The following AP3D1 variants were observed in gnomAD, a reference collection of about 807,000 sequenced individuals.
AP3D1 encodes adaptor related protein complex 3 subunit delta 1.
Under a neutral mutation model 147.6 loss-of-function variants are expected in AP3D1, and 51 were observed. The observed-to-expected ratio is 0.35, with a 90% CI of 0.28 to 0.44. The LOEUF is 0.44. AP3D1 is among the 20% of genes least tolerant of loss of function. The pLI, the probability that AP3D1 is intolerant of heterozygous loss-of-function variation, is 1.00. For synonymous variants in AP3D1, 760 were observed against 663.0 expected (o/e 1.15, Z -2.25); for missense variants, 1,421 against 1,624.2 (o/e 0.87, Z 2.15).
chr19:2,112,876 C>T lies in AP3D1; in HGVS notation c.2771G>A (p.Gly924Glu). 2 of 1,612,144 alleles carry T rather than the reference C, an allele frequency of 1.2e-6. No individual in the cohort carries two copies. Among genetic ancestry groups the T allele is most frequent in the Non-Finnish European group, 8.5e-7 (1 of 1,179,104 alleles). Reference protein sequence around the residue: ...EAQGEEDDAEGQDQDKKSPKP... With the variant: ...EAQGEEDDAEEQDQDKKSPKP... ...CAGCCTCACCTTGTCCTGGTCTTGC[C>T]CCTCGGCATCGTCCTCCTCGCCCTG... Residue 924 changes from glycine (G) to glutamate (E), a missense_variant, in exon 24 of 32, where the codon GGG becomes GAG. Gly to Glu is a moderately conservative substitution (Grantham distance 98, BLOSUM62 -2). This residue lies in a region of AP3D1 where 791 missense variants were observed against 761.4 expected (regional missense o/e 1.04). Coordinates refer to ENST00000643116, the MANE Select transcript of AP3D1 (RefSeq NM_001261826.3).
chr19:2,134,291 T>C lies in AP3D1; in HGVS notation c.355-1713A>G, dbSNP rs532388974. Among the ~76,000 whole-genome samples, 264 of 151,800 alleles carry C rather than the reference T, an allele frequency of 1.7e-3. 2 individuals carry two copies. Among genetic ancestry groups the C allele is most frequent in the African/African-American group, 6.3e-3 (260 of 41,442 alleles). The stretch of plus-strand genomic sequence containing the variant: ...AAAAAATCAGCCAGGTGTGGTGGTG[T>C]ATGCCTGCAGTCCCAGCTACTCAGG... On this transcript the variant is annotated intron_variant, in intron 4 of 31. Coordinates refer to ENST00000643116, the MANE Select transcript of AP3D1 (RefSeq NM_001261826.3).
At chr19:2,148,940 G>T (rs879591482) in intron 1 of AP3D1, among the ~76,000 whole-genome samples, 2 of 151,668 alleles carry the variant, frequency 1.3e-5, no homozygotes, top group Admixed American at 6.6e-5. Flanking sequence ...TGGGCGGGAG[G>T]GAAGAACCTA....
chr19:2,125,616 G>A (rs1395172387), intron 9 of AP3D1, among the ~76,000 whole-genome samples: 9 of 152,152 alleles, frequency 5.9e-5, no homozygotes, highest in African/African-American at 2.2e-4. Context: ...ACCACGCCCG[G>A]CCAGGAGTGT....
At chr19:2,125,676 A>G (rs528050626) in intron 9 of AP3D1, among the ~76,000 whole-genome samples, 2 of 152,256 alleles carry the variant, frequency 1.3e-5, no homozygotes, top group African/African-American at 4.8e-5. Flanking sequence ...AAATAGGTGT[A>G]TAGATTACCC....
intron 20 of AP3D1, 85 bp downstream of exon 20, chr19:2,115,133 TG>T: frequency 1.4e-6 from 2 of 1,389,320 alleles, no homozygotes; most frequent in Non-Finnish European, 9.9e-7. Flanking sequence ...ACGAAGACCA[TG>T]GGGAGAGGCC....
At chr19:2,102,875 G>C (rs1051639887) in intron 31 of AP3D1, among the ~76,000 whole-genome samples, 33 of 152,282 alleles carry the variant, frequency 2.2e-4, no homozygotes, top group Non-Finnish European at 4.1e-4. Flanking sequence ...TTGAACCCAG[G>C]GGGTGGAGGT....
At chr19:2,125,485 T>G (rs1347639555) in intron 9 of AP3D1, among the ~76,000 whole-genome samples, 2 of 152,104 alleles carry the variant, frequency 1.3e-5, no homozygotes, top group African/African-American at 4.8e-5. Flanking sequence ...CCTGCTAATT[T>G]TTGTATTTTT....
At chr19:2,159,050 G>T (rs1472096196) in intron 1 of AP3D1, among the ~76,000 whole-genome samples, 2 of 151,978 alleles carry the variant, frequency 1.3e-5, no homozygotes, top group African/African-American at 2.4e-5. Flanking sequence ...GAGTGCAGTG[G>T]TGTGATCTTG....
intron 1 of AP3D1, among the ~76,000 whole-genome samples, chr19:2,143,301 C>T (rs1304260817): frequency 2.2e-5 from 3 of 135,758 alleles, no homozygotes; most frequent in South Asian, 4.7e-4. Flanking sequence ...AGTGCAGCAG[C>T]GCGATCTCAG....
chr19:2,149,657 G>A (rs763392407), intron 1 of AP3D1, among the ~76,000 whole-genome samples: 5 of 152,062 alleles, frequency 3.3e-5, no homozygotes, highest in Admixed American at 6.6e-5. Flanking sequence ...AGGCTCAGGG[G>A]CTTCCCAGTG....
At chr19:2,145,434 GGACACTGGGC>G (rs1185536630) in intron 1 of AP3D1, among the ~76,000 whole-genome samples, 1 of 152,014 alleles carries the variant, frequency 6.6e-6, no homozygotes, top group Non-Finnish European at 1.5e-5. Flanking sequence ...CCCCTCCAGG[GGACACTGGGC>G]GATGTATGCA....
intron 31 of AP3D1, among the ~76,000 whole-genome samples, chr19:2,104,163 C>T (rs11668089): frequency 8.7e-6 from 1 of 114,530 alleles, no homozygotes; most frequent in Non-Finnish European, 2.1e-5. Flanking sequence ...CACTCAGACT[C>T]CAACACCGAG....
At chr19:2,140,939 G>A (rs1415163234) in intron 1 of AP3D1, among the ~76,000 whole-genome samples, 1 of 151,530 alleles carries the variant, frequency 6.6e-6, no homozygotes, top group Non-Finnish European at 1.5e-5. Context: ...TTGTATTTTT[G>A]GTAGAGACGG....
In AP3D1 at chr19:2,131,841, G is replaced by GGACAGGCAGCCACGCA. The variant is rs2018959667; in HGVS notation, c.462+629_462+630insTGCGTGGCTGCCTGTC. On this transcript the variant is annotated intron_variant, in intron 5 of 31. Coordinates refer to ENST00000643116, the MANE Select transcript of AP3D1 (RefSeq NM_001261826.3). Reference sequence around the variant, plus strand: ...CCTCCGGGCGGACAGGCAGCCACGCGGGGACAGCGCCCATCGGCCACGATC... The same window carrying GGACAGGCAGCCACGCA: ...CCTCCGGGCGGACAGGCAGCCACGCGGACAGGCAGCCACGCAGGGACAGCGCCCATCGGCCACGATC... Among the ~76,000 whole-genome samples, 12 of 149,184 alleles carry GGACAGGCAGCCACGCA rather than the reference G, an allele frequency of 8.0e-5. 1 individual carries two copies. The highest frequency in any genetic ancestry group is 2.8e-4 in the African/African-American group (11 of 39,334).
chr19:2,128,180 G>A (rs999715900), intron 8 of AP3D1, among the ~76,000 whole-genome samples: 9 of 152,138 alleles, frequency 5.9e-5, no homozygotes, highest in Admixed American at 4.6e-4. Flanking sequence ...TTGGTCTGAG[G>A]AATTAAAGTG....
At position 2,108,775 on chromosome 19, in the gene AP3D1, G is replaced by A. The variant is rs371867820; in HGVS notation, c.3473-9C>T. 2.6e-6 allele frequency: 4 copies of A among 1,560,962 alleles called. No homozygotes were observed. The African/African-American group carries it at 4.1e-5, about 16-fold the overall frequency. ...GTCCACTCGCTCCACAACTGCAACA[G>A]AGCGGGCAGTGTTAGGCTTCCCGGA... On this transcript the variant is annotated splice_polypyrimidine_tract_variant and intron_variant, in intron 30 of 31. Coordinates refer to ENST00000643116, the MANE Select transcript of AP3D1 (RefSeq NM_001261826.3).
At chr19:2,110,567 C>T in intron 27 of AP3D1, 140 bp downstream of exon 27, 1 of 929,986 alleles carries the variant, frequency 1.1e-6, no homozygotes, top group Non-Finnish European at 1.6e-6. Flanking sequence ...GACCCCGACA[C>T]TCAGGAGGTA....
At chr19:2,127,315 T>C in intron 8 of AP3D1, 114 bp from the exon 9 acceptor site, 1 of 1,174,276 alleles carries the variant, frequency 8.5e-7, no homozygotes, top group Non-Finnish European at 1.2e-6. Flanking sequence ...TCAGGGAGTG[T>C]GCCCCAGGAG....
intron 4 of AP3D1, among the ~76,000 whole-genome samples, chr19:2,135,765 C>G (rs1447451576): frequency 6.6e-6 from 1 of 152,158 alleles, no homozygotes; most frequent in Non-Finnish European, 1.5e-5. Context: ...GAGGTGCTCA[C>G]ACAGGGACCG....
Sources: gnomAD v4.1 joint callset for allele counts (sites outside exome capture counted in the v4.1 genomes callset) on GRCh38, gnomAD v4.1.1 for gene constraint, gnomAD v4.1.1 regional missense constraint, MANE v1.5 for transcripts, NCBI Gene and HGNC (gene_info 2026-07-23, HGNC 2026-07-21) for gene names.